Variants in ARSB observed in about 807,000 individuals in gnomAD.
ARSB encodes the protein N-acetylgalactosamine-4-sulfatase.
A neutral mutation model predicts 50.9 loss-of-function variants in ARSB; 41 were observed. That is an observed-to-expected ratio of 0.81 (90% CI 0.63 to 1.04). The LOEUF is 1.04. Among genes scored for constraint, ARSB ranks in the 50% least tolerant of loss-of-function variants. The pLI is 0.00. For synonymous variants in ARSB, 269 were observed against 284.8 expected (o/e 0.94, Z 0.56); for missense variants, 672 against 693.3 (o/e 0.97, Z 0.35).
At chr5:78,857,945 A>G (rs968322560) in intron 5 of ARSB, among the ~76,000 whole-genome samples, 13 of 152,208 alleles carry the variant, frequency 8.5e-5, no homozygotes, top group African/African-American at 2.9e-4. Context: ...CACACCATTT[A>G]AAATACTTTA....
intron 6 of ARSB, among the ~76,000 whole-genome samples, chr5:78,807,063 G>A (rs1743592439): frequency 6.6e-6 from 1 of 152,224 alleles, no homozygotes; most frequent in Non-Finnish European, 1.5e-5. Context: ...TACAGTGAGT[G>A]CAGAGCATTC....
At chr5:78,926,324 T>G (rs974860337) in intron 4 of ARSB, among the ~76,000 whole-genome samples, 3 of 152,236 alleles carry the variant, frequency 2.0e-5, no homozygotes, top group African/African-American at 7.2e-5. Flanking sequence ...CTCCATTATG[T>G]TGCATTCTGC....
intron 4 of ARSB, among the ~76,000 whole-genome samples, chr5:78,910,830 A>G (rs1749276753): frequency 6.6e-6 from 1 of 152,224 alleles, no homozygotes. Flanking sequence ...ACTGCTGGGA[A>G]CCATCTCCAG....
intron 5 of ARSB, among the ~76,000 whole-genome samples, chr5:78,873,738 G>A (rs1279582859): frequency 6.6e-5 from 10 of 151,600 alleles, no homozygotes; most frequent in South Asian, 2.1e-4. Context: ...CTTGTGATCC[G>A]CCCGCCTCGG....
At chr5:78,908,674 A>G (rs960907390) in intron 4 of ARSB, among the ~76,000 whole-genome samples, 1 of 151,732 alleles carries the variant, frequency 6.6e-6, no homozygotes, top group Non-Finnish European at 1.5e-5. Flanking sequence ...ACCAGCAAGG[A>G]CTGGAGAGGA....
intron 5 of ARSB, among the ~76,000 whole-genome samples, chr5:78,851,055 C>T (rs1745748745): frequency 6.6e-6 from 1 of 152,248 alleles, no homozygotes; most frequent in South Asian, 2.1e-4. Flanking sequence ...GTGCCTCTAT[C>T]TCCTTCAGTT....
At chr5:78,921,918 G>A (rs1749828387) in intron 4 of ARSB, among the ~76,000 whole-genome samples, 1 of 152,156 alleles carries the variant, frequency 6.6e-6, no homozygotes, top group Non-Finnish European at 1.5e-5. Context: ...GAAGGAAGGT[G>A]TAGCGATTGT....
chr5:78,951,009 A>G (rs1751472950), intron 4 of ARSB, among the ~76,000 whole-genome samples: 1 of 152,240 alleles, frequency 6.6e-6, no homozygotes, highest in Non-Finnish European at 1.5e-5. Flanking sequence ...ACAACTGATT[A>G]GGTTAATTGG....
intron 4 of ARSB, among the ~76,000 whole-genome samples, chr5:78,886,780 C>G (rs1748056563): frequency 6.6e-6 from 1 of 151,792 alleles, no homozygotes; most frequent in Non-Finnish European, 1.5e-5. Flanking sequence ...AAAAAAAAAC[C>G]CACTATTACC....
chr5:78,950,174 T>C (rs1437657440), intron 4 of ARSB, among the ~76,000 whole-genome samples: 1 of 152,154 alleles, frequency 6.6e-6, no homozygotes, highest in Non-Finnish European at 1.5e-5. Flanking sequence ...TAACAGCCAC[T>C]AGTGCTGCTT....
chr5:78,904,479 G>A (rs1748949443), intron 4 of ARSB, among the ~76,000 whole-genome samples: 1 of 151,310 alleles, frequency 6.6e-6, no homozygotes, highest in African/African-American at 2.4e-5. Context: ...TCTTGAATTT[G>A]TACATGTATC....
chr5:78,943,867 G>C (rs909050344), intron 4 of ARSB, among the ~76,000 whole-genome samples: 8 of 152,204 alleles, frequency 5.3e-5, no homozygotes, highest in African/African-American at 1.9e-4. Flanking sequence ...GTATCCTGCA[G>C]AGTGTTTTCC....
chr5:78,892,872 C>A (rs1465706260), intron 4 of ARSB, among the ~76,000 whole-genome samples: 1 of 152,210 alleles, frequency 6.6e-6, no homozygotes, highest in Non-Finnish European at 1.5e-5. Flanking sequence ...TGACTAAGAG[C>A]ACCAGCAAGG....
At chr5:78,861,853 T>C (rs1321943129) in intron 5 of ARSB, among the ~76,000 whole-genome samples, 1 of 152,174 alleles carries the variant, frequency 6.6e-6, no homozygotes, top group African/African-American at 2.4e-5. Context: ...TGATTGTATA[T>C]CTAGAAAACC....
chr5:78,801,038 T>A (rs1743375564), intron 6 of ARSB, among the ~76,000 whole-genome samples: 1 of 152,164 alleles, frequency 6.6e-6, no homozygotes, highest in Non-Finnish European at 1.5e-5. Flanking sequence ...GTAAGAATTG[T>A]TAGGAAAAGA....
intron 4 of ARSB, among the ~76,000 whole-genome samples, chr5:78,896,754 A>G (rs1319374616): frequency 1.3e-5 from 2 of 152,220 alleles, no homozygotes; most frequent in African/African-American, 4.8e-5. Context: ...GTTTGTTTCT[A>G]TAACATGCCT....
chr5:78,887,496 C>G (rs192212497), intron 4 of ARSB, among the ~76,000 whole-genome samples: 19 of 152,270 alleles, frequency 1.2e-4, no homozygotes, highest in Admixed American at 3.9e-4. Context: ...TTGGTGGAAA[C>G]AAACCACATC....
chr5:78,784,154 A>G (rs938292531), intron 6 of ARSB, among the ~76,000 whole-genome samples: 1 of 152,224 alleles, frequency 6.6e-6, no homozygotes, highest in African/African-American at 2.4e-5. Flanking sequence ...TGCAGAATAC[A>G]TATGTGCCAA....
At chr5:78,851,178 C>A (rs1348188975) in intron 5 of ARSB, among the ~76,000 whole-genome samples, 1 of 152,146 alleles carries the variant, frequency 6.6e-6, no homozygotes, top group Non-Finnish European at 1.5e-5. Context: ...ATCTTTCCTG[C>A]TTTCTCTTGT....
Sources: gnomAD v4.1 joint callset for allele counts (sites outside exome capture counted in the v4.1 genomes callset) on GRCh38, gnomAD v4.1.1 for gene constraint, MANE v1.5 for transcripts, NCBI Gene and HGNC (gene_info 2026-07-23, HGNC 2026-07-21) for gene names.